The following NCK2 variants were observed in gnomAD, a reference collection of about 807,000 sequenced individuals.
The protein encoded by NCK2 is cytoplasmic protein NCK2.
A neutral mutation model predicts 33.9 loss-of-function variants in NCK2; 16 were observed. The ratio of observed to expected loss-of-function variants is 0.47; its 90% CI spans 0.32 to 0.72. The LOEUF (loss-of-function observed/expected upper bound fraction) is 0.72, where lower values mean the gene tolerates loss of function less well. Ranked by LOEUF, NCK2 falls within the 30% of genes least tolerant of loss-of-function variation. NCK2 has a pLI of 0.03. For missense variants in NCK2, 418 were observed against 537.3 expected, an observed-to-expected ratio of 0.78 and a Z score of 2.19; for synonymous variants, 273 against 239.9, an observed-to-expected ratio of 1.14 and a Z score of -1.27.
At chr2:105,767,672 G>A (rs529252689) in intron 1 of NCK2, among the ~76,000 whole-genome samples, 1 of 152,332 alleles carries the variant, frequency 6.6e-6, no homozygotes, top group South Asian at 2.1e-4. Context: ...TCCAGAAGAA[G>A]AACCGCAGCC....
chr2:105,763,185 G>A (rs184079065), intron 1 of NCK2, among the ~76,000 whole-genome samples: 21 of 152,206 alleles, frequency 1.4e-4, no homozygotes, highest in South Asian at 6.2e-4. Flanking sequence ...GCGACAGAAC[G>A]AGACTCTTGT....
intron 1 of NCK2, among the ~76,000 whole-genome samples, chr2:105,771,843 T>A (rs1467123428): frequency 1.3e-5 from 2 of 152,324 alleles, no homozygotes; most frequent in Admixed American, 1.3e-4. Context: ...CTGCCATTCC[T>A]TTGTGAGGCC....
chr2:105,882,040 C>T lies in NCK2; in HGVS notation c.939C>T (p.Ser313=). 1 of 1,498,196 alleles carries T rather than the reference C, an allele frequency of 6.7e-7. No individual in the cohort carries two copies. The highest frequency in any genetic ancestry group is 1.4e-5 in the South Asian group (1 of 72,622). The allele number at this position is 1,498,196 out of a possible 1,614,324, so 92.8% of individuals were successfully genotyped here. A position where few individuals can be genotyped will look rare whatever the true frequency, so the allele number is the denominator to read the frequency against. ...GVEGDFLIRD[S]ESSPSDFSVS... is the part of the protein sequence containing the mutation. ...AGGGCGACTTCCTCATTAGGGACAG[C>T]GAGTCCTCGGTAAGTGCGCTGCGCC... The change falls in exon 4 of 5, where the codon AGC becomes AGT. Residue 313 remains serine, a synonymous_variant. Transcript: ENST00000233154.
chr2:105,885,997 T>C (rs375023073), intron 4 of NCK2, among the ~76,000 whole-genome samples: 16 of 152,228 alleles, frequency 1.1e-4, no homozygotes, highest in South Asian at 4.1e-4. Flanking sequence ...AGGAGGTAGA[T>C]TGTCAGAGCA....
chr2:105,842,863 G>T (rs1342458404), intron 2 of NCK2, among the ~76,000 whole-genome samples: 1 of 146,792 alleles, frequency 6.8e-6, no homozygotes, highest in Admixed American at 6.8e-5. Context: ...GACGCTGTGA[G>T]AAATATGATA....
intron 2 of NCK2, among the ~76,000 whole-genome samples, chr2:105,821,254 C>A (rs781780191): frequency 6.6e-6 from 1 of 152,214 alleles, no homozygotes; most frequent in African/African-American, 2.4e-5. Flanking sequence ...TTGCCCCCAA[C>A]AGGTTATTTA....
rs1028968389 is a variant in NCK2, at chr2:105,769,483, C to A, written c.-201+24345C>A. Among the ~76,000 whole-genome samples, 3 of 152,156 alleles carry A rather than the reference C, an allele frequency of 2.0e-5. No individual in the cohort carries two copies. In the South Asian group the frequency reaches 6.2e-4, roughly 31 times the overall value. Reference sequence around the variant, plus strand: ...ACATTTCTAAGGAAGCTTAGAGATACAAAATGTTTAAATGTAGCACAAAAA... The same window carrying A: ...ACATTTCTAAGGAAGCTTAGAGATAAAAAATGTTTAAATGTAGCACAAAAA... On this transcript the variant is annotated intron_variant, in intron 1 of 4. Coordinates refer to ENST00000233154, the MANE Select transcript of NCK2 (RefSeq NM_003581.5).
At chr2:105,879,513 C>G (rs1276810084) in intron 3 of NCK2, among the ~76,000 whole-genome samples, 1 of 152,246 alleles carries the variant, frequency 6.6e-6, no homozygotes, top group Non-Finnish European at 1.5e-5. Flanking sequence ...AAGTAGAAAT[C>G]TAAGCGTTTC....
chr2:105,834,650 GGT>G (rs998083576), intron 2 of NCK2, among the ~76,000 whole-genome samples: 11 of 19,980 alleles, frequency 5.5e-4, no homozygotes, highest in African/African-American at 3.7e-3. Flanking sequence ...TACATTAAAG[GGT>G]TTTTTTTTCA....
At chr2:105,842,927 CAGG>C (rs1199633644) in intron 2 of NCK2, among the ~76,000 whole-genome samples, 2 of 152,042 alleles carry the variant, frequency 1.3e-5, no homozygotes, top group African/African-American at 4.8e-5. Context: ...CATTGCTTAG[CAGG>C]AGGGACAGTC....
In NCK2 at chr2:105,844,844, A is replaced by G. The variant is rs550606224; in HGVS notation, c.-16-10204A>G. ...AAAATAGATATATATATTTTGAAATATCAAGCACAGATGCTAGAAACCTTT... is the reference window on the plus strand; with the variant it reads ...AAAATAGATATATATATTTTGAAATGTCAAGCACAGATGCTAGAAACCTTT... On this transcript the variant is annotated intron_variant, in intron 2 of 4. Coordinates refer to ENST00000233154, the MANE Select transcript of NCK2 (RefSeq NM_003581.5). 1.2e-3 allele frequency among the ~76,000 whole-genome samples: 178 copies of G among 150,402 alleles called. 1 individual carries two copies. The highest frequency in any genetic ancestry group is 4.2e-3 in the African/African-American group (172 of 41,200).
At chr2:105,845,066 G>A (rs901755606) in intron 2 of NCK2, among the ~76,000 whole-genome samples, 6 of 152,000 alleles carry the variant, frequency 3.9e-5, no homozygotes, top group South Asian at 2.1e-4. Flanking sequence ...TCCCTAGAGC[G>A]GGGTGCAGAG....
intron 1 of NCK2, among the ~76,000 whole-genome samples, chr2:105,764,251 C>T (rs1457327325): frequency 6.6e-6 from 1 of 152,248 alleles, no homozygotes; most frequent in East Asian, 1.9e-4. Context: ...CAGCCTTGAC[C>T]CTTCAGCACC....
At chr2:105,756,166 C>T (rs1483122232) in intron 1 of NCK2, among the ~76,000 whole-genome samples, 1 of 152,172 alleles carries the variant, frequency 6.6e-6, no homozygotes, top group Non-Finnish European at 1.5e-5. Flanking sequence ...TAGAAGTTCC[C>T]TTGGTCTTCT....
At chr2:105,797,404 G>A (rs1056860327) in intron 1 of NCK2, among the ~76,000 whole-genome samples, 4 of 152,186 alleles carry the variant, frequency 2.6e-5, no homozygotes, top group African/African-American at 9.7e-5. Flanking sequence ...TCCATATTGT[G>A]CAATGCAAGG....
At chr2:105,752,718 T>A (rs956623946) in intron 1 of NCK2, among the ~76,000 whole-genome samples, 1 of 152,238 alleles carries the variant, frequency 6.6e-6, no homozygotes, top group African/African-American at 2.4e-5. Flanking sequence ...AGTCTCTGGT[T>A]CCGTCTGGAT....
intron 1 of NCK2, among the ~76,000 whole-genome samples, chr2:105,801,692 C>G (rs1410867102): frequency 6.6e-6 from 1 of 151,974 alleles, no homozygotes; most frequent in Non-Finnish European, 1.5e-5. Flanking sequence ...AGGCTCATCT[C>G]AAGGGCTGGG....
intron 3 of NCK2, among the ~76,000 whole-genome samples, chr2:105,864,791 C>T (rs996748975): frequency 6.6e-6 from 1 of 150,820 alleles, no homozygotes; most frequent in Non-Finnish European, 1.5e-5. Context: ...TCCGAACCCA[C>T]GGGAAAGATC....
intron 3 of NCK2, among the ~76,000 whole-genome samples, chr2:105,860,771 G>A (rs1452661895): frequency 2.0e-5 from 3 of 151,464 alleles, no homozygotes; most frequent in Non-Finnish European, 4.4e-5. Context: ...AATGGAGATG[G>A]AGGAGTGTAG....
Sources: allele counts gnomAD v4.1 joint callset (sites outside exome capture counted in the v4.1 genomes callset), GRCh38; gene constraint gnomAD v4.1.1; transcripts MANE v1.5; gene names NCBI Gene and HGNC (gene_info 2026-07-23, HGNC 2026-07-21).